CLSTN3: variants seen among roughly 807,000 people sequenced by gnomAD.
The protein encoded by CLSTN3 is calsyntenin-3.
A neutral mutation model predicts 95.9 loss-of-function variants in CLSTN3; 36 were observed. The ratio of observed to expected loss-of-function variants is 0.38; its 90% CI spans 0.29 to 0.50. CLSTN3 has a LOEUF of 0.50. CLSTN3 is among the 20% of genes least tolerant of loss of function. The pLI, the probability that CLSTN3 is intolerant of heterozygous loss-of-function variation, is 0.95. For missense variants in CLSTN3, 1,084 were observed against 1,268.8 expected, an observed-to-expected ratio of 0.85 and a Z score of 2.21; for synonymous variants, 481 against 504.0, an observed-to-expected ratio of 0.95 and a Z score of 0.61.
intron 16 of CLSTN3, chr12:7,156,081 G>T (rs1158207206): frequency 2.0e-5 from 7 of 358,494 alleles, no homozygotes; most frequent in Non-Finnish European, 2.8e-5. Context: ...TTTTCTAGGG[G>T]CTTGCTTGTG....
In CLSTN3 at chr12:7,130,400, T is replaced by TGTC; in HGVS notation, c.-248_-247insTCG. ...TGCAGTAGCGGGGTTGGGGTGGGAG[T>TGTC]GAGAGAGTGAGGACGCTGGGCTGGG... On this transcript the variant is annotated 5_prime_UTR_variant, in exon 1 of 18. Coordinates refer to ENST00000266546, the MANE Select transcript of CLSTN3 (RefSeq NM_014718.4). 7.5e-7 allele frequency: 1 copy of TGTC among 1,331,784 alleles called. No homozygotes were observed. The allele number at this position is 1,331,784 out of a possible 1,614,324, so 82.5% of individuals were successfully genotyped here. A position where few individuals can be genotyped will look rare whatever the true frequency, so the allele number is the denominator to read the frequency against.
chr12:7,136,636 T>C (rs1939428626), intron 6 of CLSTN3, among the ~76,000 whole-genome samples, 193 bp from the exon 7 acceptor site: 1 of 152,184 alleles, frequency 6.6e-6, no homozygotes, highest in Non-Finnish European at 1.5e-5. Flanking sequence ...GATGAAGAGT[T>C]GGAGAATGGG....
rs1441270757 is a variant in CLSTN3 at position 7,141,213 on chromosome 12, A to G, written c.1324-29A>G. Reference sequence around the variant, plus strand: ...GCTCTCTGAAGACGAATTACCTGAGAGGCTCTTGCCCCTACCCTACTCTCC... The same window carrying G: ...GCTCTCTGAAGACGAATTACCTGAGGGGCTCTTGCCCCTACCCTACTCTCC... On this transcript the variant is annotated intron_variant, in intron 8 of 17. Coordinates refer to ENST00000266546, the MANE Select transcript of CLSTN3 (RefSeq NM_014718.4). This position sits in a 1 kb window ranked among gnomAD's most constrained non-coding sequence, Gnocchi z 4.1. 2 of 1,603,512 alleles carry G rather than the reference A, an allele frequency of 1.2e-6. No individual in the cohort carries two copies. Among genetic ancestry groups the G allele is most frequent in the Non-Finnish European group, 1.7e-6 (2 of 1,174,052 alleles).
intron 12 of CLSTN3, among the ~76,000 whole-genome samples, chr12:7,148,496 G>A (rs1185292301): frequency 1.3e-5 from 2 of 152,184 alleles, no homozygotes; most frequent in Non-Finnish European, 2.9e-5. Context: ...CCAAAGAGGA[G>A]GACATCCTTT....
chr12:7,147,528 T>TC (rs1255084908), intron 12 of CLSTN3, among the ~76,000 whole-genome samples: 1 of 150,806 alleles, frequency 6.6e-6, no homozygotes, highest in Non-Finnish European at 1.5e-5. Flanking sequence ...CTTTTTTTTT[T>TC]TGAGATAGGG....
Position 7,158,040 on chromosome 12 carries a change from G to T in CLSTN3, c.2830G>T (p.Asp944Tyr). 6.5e-7 allele frequency: 1 copy of T among 1,548,778 alleles called. No individual in the cohort carries two copies. The highest frequency in any genetic ancestry group is 8.7e-7 in the Non-Finnish European group (1 of 1,145,206). Reference sequence around the variant, plus strand: ...GGAGGTGGCCGATTCCCCCAGCAGCGACGAGAGACGCATCATCGAGACCCC... The same window carrying T: ...GGAGGTGGCCGATTCCCCCAGCAGCTACGAGAGACGCATCATCGAGACCCC... ...DSEVADSPSS[D>Y]ERRIIETPPH... is the part of the protein sequence containing the mutation. Residue 944 changes from aspartate to tyrosine, a missense_variant, in exon 18 of 18, where the codon GAC becomes TAC. Coordinates refer to ENST00000266546, the MANE Select transcript of CLSTN3 (RefSeq NM_014718.4).
Position 7,158,072 on chromosome 12 carries a change from C to G in CLSTN3, c.2862C>G (p.His954Gln). ...GACGCATCATCGAGACCCCCCCACA[C>G]CGCTACTAAGGCCTACACCTCTCCC... ...DERRIIETPP[H>Q]RY The change falls in exon 18 of 18, where the codon CAC becomes CAG. Residue 954 changes from histidine to glutamine, a missense_variant. Transcript: ENST00000266546. 6.5e-7 allele frequency: 1 copy of G among 1,533,158 alleles called. No individual in the cohort carries two copies. The highest frequency in any genetic ancestry group is 1.2e-5 in the South Asian group (1 of 80,706). 95.0% of individuals were successfully genotyped at this position (1,533,158 alleles called of 1,614,324 possible). A position where few individuals can be genotyped will look rare whatever the true frequency, so the allele number is the denominator to read the frequency against.
At chr12:7,147,396 C>CAAAAAAAAAA (rs56109046) in intron 12 of CLSTN3, among the ~76,000 whole-genome samples, 6 of 50,522 alleles carry the variant, frequency 1.2e-4, no homozygotes, top group African/African-American at 2.7e-4. Flanking sequence ...GAGACTCTGC[C>CAAAAAAAAAA]AAAAAAAAAA....
chr12:7,142,753 T>A, intron 10 of CLSTN3, 116 bp from the exon 11 acceptor site: 3 of 722,958 alleles, frequency 4.1e-6, no homozygotes, highest in Non-Finnish European at 6.4e-6. Flanking sequence ...ACATTTCTCC[T>A]TTTTTTCTTT....
At chr12:7,135,090 C>T (rs1475082676) in intron 3 of CLSTN3, among the ~76,000 whole-genome samples, 1 of 151,962 alleles carries the variant, frequency 6.6e-6, no homozygotes, top group Non-Finnish European at 1.5e-5. Flanking sequence ...CCTTGGTGTA[C>T]AGTATAAGGC....
At chr12:7,134,558 C>T (rs146749918) in intron 3 of CLSTN3, among the ~76,000 whole-genome samples, 352 of 152,380 alleles carry the variant, frequency 2.3e-3, no homozygotes, top group African/African-American at 7.3e-3. Context: ...CGACCCAGCT[C>T]TGCTTGCCCC....
At chr12:7,154,945 A>G (rs955263615) in intron 16 of CLSTN3, among the ~76,000 whole-genome samples, 4 of 152,248 alleles carry the variant, frequency 2.6e-5, no homozygotes, top group Non-Finnish European at 5.9e-5. Flanking sequence ...GAGCTTCTTC[A>G]AAGCTAAAGC....
chr12:7,158,405 A>T lies in CLSTN3; in HGVS notation c.*324A>T, dbSNP rs2135823167. 7 of 153,974 alleles carry T rather than the reference A, an allele frequency of 4.5e-5. No individual in the cohort carries two copies. Among genetic ancestry groups the T allele is most frequent in the East Asian group, 1.8e-4 (1 of 5,452 alleles). The allele number at this position is 153,974 out of a possible 1,614,324, so 9.5% of individuals were successfully genotyped here. On this transcript the variant is annotated 3_prime_UTR_variant, in exon 18 of 18. Transcript: ENST00000266546. ...CCTTAGCACTCACTGTGTTGGGGAG[A>T]GGGTGACGATTGCAATGGCTGGGGC...
At chr12:7,139,841 G>T (rs1434945332) in intron 8 of CLSTN3, among the ~76,000 whole-genome samples, 1 of 152,020 alleles carries the variant, frequency 6.6e-6, no homozygotes, top group Non-Finnish European at 1.5e-5. Flanking sequence ...TAGAGATGGG[G>T]TTTCACCATG....
rs1939525927 is a variant in CLSTN3, at chr12:7,141,508, A to G, written c.1486+104A>G. 8.3e-7 allele frequency: 1 copy of G among 1,197,934 alleles called. No homozygotes were observed. Among genetic ancestry groups the G allele is most frequent in the Non-Finnish European group, 1.2e-6 (1 of 807,120 alleles). The allele number at this position is 1,197,934 out of a possible 1,614,324, so 74.2% of individuals were successfully genotyped here. The stretch of plus-strand genomic sequence containing the variant: ...CCCAGCAGCTGAGGCCGCCTCCTGC[A>G]TCTCTCTGCAGCTGTGCAGGGTGAC... On this transcript the variant is annotated intron_variant, in intron 9 of 17. Transcript: ENST00000266546. The surrounding 1 kb of genome is among the most constrained non-coding windows in gnomAD (Gnocchi z 4.1).
In CLSTN3 at chr12:7,137,883, C is replaced by T; in HGVS notation, c.1211-72C>T. ...GGATTAAGAGAATCCAACATCCTCT[C>T]CTTCCTGCTGCTTTGAACTTGTTCT... is the stretch of plus-strand genomic sequence containing the variant. On this transcript the variant is annotated intron_variant, in intron 7 of 17. Coordinates refer to ENST00000266546, the MANE Select transcript of CLSTN3 (RefSeq NM_014718.4). The surrounding 1 kb of genome is among the most constrained non-coding windows in gnomAD (Gnocchi z 4.4). The T allele has an allele frequency of 9.0e-7, 1 of 1,106,308 alleles. No homozygotes were observed. The highest frequency in any genetic ancestry group is 2.4e-5 in the East Asian group (1 of 41,022). The allele number at this position is 1,106,308 out of a possible 1,614,324, so 68.5% of individuals were successfully genotyped here.
chr12:7,133,742 C>T lies in CLSTN3; in HGVS notation c.357C>T (p.Asp119=), dbSNP rs369094080. ...CCTATGACTGTGGCGAGGGCCCCGA[C>T]GGGGCCAACACCAAGAAGTCCCACA... ...IQAYDCGEGP[D]GANTKKSHKA... Residue 119 remains aspartate, a synonymous_variant, in exon 3 of 18, where the codon GAC becomes GAT. Coordinates refer to ENST00000266546, the MANE Select transcript of CLSTN3 (RefSeq NM_014718.4). The surrounding 1 kb of genome is among the most constrained non-coding windows in gnomAD (Gnocchi z 4.7). The T allele has an allele frequency of 3.8e-5, 60 of 1,591,200 alleles. No individual in the cohort carries two copies. Among genetic ancestry groups the T allele is most frequent in the South Asian group, 6.9e-5 (6 of 87,344 alleles).
At chr12:7,156,745 C>G (rs1300265225) in intron 16 of CLSTN3, 2 of 456,626 alleles carry the variant, frequency 4.4e-6, no homozygotes, top group Non-Finnish European at 8.8e-6. Flanking sequence ...TCTCAGTGCC[C>G]TTGAAGGTCC....
At chr12:7,151,104 G>A (rs1392311582) in intron 16 of CLSTN3, 41 bp downstream of exon 16, 5 of 1,510,438 alleles carry the variant, frequency 3.3e-6, no homozygotes, top group Non-Finnish European at 4.4e-6. Context: ...GGGGCAGGTG[G>A]CAGGTGAGTG....
Sources: allele counts gnomAD v4.1 joint callset (sites outside exome capture counted in the v4.1 genomes callset), GRCh38; gene constraint gnomAD v4.1.1; non-coding constraint Gnocchi (gnomAD v3.1); transcripts MANE v1.5; gene names NCBI Gene and HGNC (gene_info 2026-07-23, HGNC 2026-07-21).